The following CHCHD3 variants were observed in gnomAD, a reference collection of about 807,000 sequenced individuals.
The protein encoded by CHCHD3 is MICOS complex subunit MIC19.
In CHCHD3, 20 loss-of-function variants were observed where a neutral mutation model predicts 38.2. The ratio of observed to expected loss-of-function variants is 0.52; its 90% CI spans 0.37 to 0.76. The LOEUF (loss-of-function observed/expected upper bound fraction) is 0.76. Ranked by LOEUF, CHCHD3 falls within the 30% of genes least tolerant of loss-of-function variation. The pLI, the probability that CHCHD3 is intolerant of heterozygous loss-of-function variation, is 0.00. For missense variants in CHCHD3, 245 were observed against 279.2 expected (o/e 0.88, Z 0.87); for synonymous variants, 82 against 100.0 (o/e 0.82, Z 1.07).
At chr7:132,857,239 T>G (rs1808363620) in intron 5 of CHCHD3, among the ~76,000 whole-genome samples, 1 of 152,086 alleles carries the variant, frequency 6.6e-6, no homozygotes. Flanking sequence ...ATTAAATCCA[T>G]GAAACTGGAG....
intron 4 of CHCHD3, among the ~76,000 whole-genome samples, chr7:132,896,329 T>C (rs1463902656): frequency 1.3e-5 from 2 of 152,216 alleles, no homozygotes; most frequent in Non-Finnish European, 2.9e-5. Context: ...AAACTGGTTC[T>C]GGTTGTTTAA....
rs146541064 is a variant in CHCHD3, at chr7:133,044,860, G to A, written c.170-20233C>T. Among the ~76,000 whole-genome samples, 129 of 152,346 alleles carry A rather than the reference G, an allele frequency of 8.5e-4. No individual in the cohort carries two copies. In the Middle Eastern group the frequency reaches 0.021, roughly 24 times the overall value. ...AAATCTGCAGCTCTCCTCCCCAGGC[G>A]GGAGATGAGGCTGACAGCAGGGCTG... On this transcript the variant is annotated intron_variant, in intron 2 of 7. Coordinates refer to ENST00000262570, the MANE Select transcript of CHCHD3 (RefSeq NM_017812.4).
intron 4 of CHCHD3, among the ~76,000 whole-genome samples, chr7:132,939,010 C>T (rs975107353): frequency 6.6e-6 from 1 of 152,136 alleles, no homozygotes; most frequent in Non-Finnish European, 1.5e-5. Flanking sequence ...ACCGAATGTA[C>T]TGGCCCTTAA....
intron 4 of CHCHD3, among the ~76,000 whole-genome samples, chr7:132,905,259 A>T (rs60383075): frequency 0.074 from 11,281 of 152,198 alleles, 983 homozygotes; most frequent in East Asian, 0.21. Context: ...ATACTAATTT[A>T]AAAAAGCCAT....
chr7:133,005,626 T>G (rs1812679906), intron 3 of CHCHD3, among the ~76,000 whole-genome samples: 1 of 152,236 alleles, frequency 6.6e-6, no homozygotes, highest in African/African-American at 2.4e-5. Context: ...TGATTTTCCT[T>G]TTTTTGTATG....
chr7:132,806,970 G>T (rs886432544), intron 6 of CHCHD3, among the ~76,000 whole-genome samples: 1 of 152,202 alleles, frequency 6.6e-6, no homozygotes, highest in Non-Finnish European at 1.5e-5. Context: ...CCTAAGAAGG[G>T]TGTCCACAGT....
At chr7:132,846,819 T>C (rs1378768825) in intron 5 of CHCHD3, among the ~76,000 whole-genome samples, 2 of 152,198 alleles carry the variant, frequency 1.3e-5, no homozygotes, top group African/African-American at 4.8e-5. Flanking sequence ...CTACCTTTAT[T>C]ATATCTACTA....
chr7:133,077,593 C>G (rs1358766857), intron 1 of CHCHD3, among the ~76,000 whole-genome samples: 1 of 152,220 alleles, frequency 6.6e-6, no homozygotes, highest in Non-Finnish European at 1.5e-5. Flanking sequence ...TCACTCACAG[C>G]TTTGATGTTT....
chr7:132,895,616 T>G (rs530126168), intron 4 of CHCHD3, among the ~76,000 whole-genome samples: 1 of 152,250 alleles, frequency 6.6e-6, no homozygotes, highest in East Asian at 1.9e-4. Context: ...GTTTTTCCTG[T>G]GCTGTCCTCA....
At chr7:132,887,425 A>C (rs2117178390) in intron 4 of CHCHD3, among the ~76,000 whole-genome samples, 1 of 151,782 alleles carries the variant, frequency 6.6e-6, no homozygotes, top group South Asian at 2.1e-4. Flanking sequence ...CAACATAAAA[A>C]CCCAAAATAT....
At chr7:133,013,069 T>C (rs10230652) in intron 3 of CHCHD3, among the ~76,000 whole-genome samples, 107,723 of 150,876 alleles carry the variant, frequency 0.71, 38,552 homozygotes, top group African/African-American at 0.75. Flanking sequence ...GCCTGTAATC[T>C]CAGCTACTTG....
At chr7:132,798,565 C>G (rs943412590) in intron 6 of CHCHD3, among the ~76,000 whole-genome samples, 1 of 152,086 alleles carries the variant, frequency 6.6e-6, no homozygotes, top group Non-Finnish European at 1.5e-5. Context: ...TGACTAATAG[C>G]TCATAGGAAA....
intron 3 of CHCHD3, among the ~76,000 whole-genome samples, chr7:132,987,362 A>T (rs1260198126): frequency 6.6e-6 from 1 of 152,244 alleles, no homozygotes; most frequent in African/African-American, 2.4e-5. Context: ...CCTGGAGGAA[A>T]CTGTGTCCAG....
chr7:133,081,095 G>C (rs1300741589), intron 1 of CHCHD3, among the ~76,000 whole-genome samples: 1 of 151,978 alleles, frequency 6.6e-6, no homozygotes, highest in African/African-American at 2.4e-5. Flanking sequence ...TGCATGCAAA[G>C]GGCATTAAAA....
chr7:132,856,156 C>T (rs1453333184), intron 5 of CHCHD3, among the ~76,000 whole-genome samples: 1 of 152,198 alleles, frequency 6.6e-6, no homozygotes, highest in Non-Finnish European at 1.5e-5. Context: ...AGTCTCCTTC[C>T]AAGGCCCATC....
At chr7:132,982,955 G>A (rs1200696637) in intron 3 of CHCHD3, among the ~76,000 whole-genome samples, 1 of 152,046 alleles carries the variant, frequency 6.6e-6, no homozygotes, top group Non-Finnish European at 1.5e-5. Flanking sequence ...AGTATGTCAT[G>A]AATGCATAAA....
intron 4 of CHCHD3, among the ~76,000 whole-genome samples, chr7:132,903,221 C>T (rs1256238241): frequency 6.6e-6 from 1 of 152,196 alleles, no homozygotes; most frequent in Non-Finnish European, 1.5e-5. Context: ...TCCTCCCATA[C>T]ATGTTAAAGC....
chr7:133,079,285 G>A (rs1360723741), intron 1 of CHCHD3, among the ~76,000 whole-genome samples: 1 of 152,212 alleles, frequency 6.6e-6, no homozygotes, highest in African/African-American at 2.4e-5. Flanking sequence ...CACTGTGCTA[G>A]ATATACATTA....
At chr7:132,910,558 A>C (rs1051913802) in intron 4 of CHCHD3, among the ~76,000 whole-genome samples, 3 of 152,228 alleles carry the variant, frequency 2.0e-5, no homozygotes, top group Non-Finnish European at 2.9e-5. Context: ...TCAGTTTAAT[A>C]TTGAACACTT....
Sources: gnomAD v4.1 joint callset for allele counts (sites outside exome capture counted in the v4.1 genomes callset) on GRCh38, gnomAD v4.1.1 for gene constraint, MANE v1.5 for transcripts, NCBI Gene and HGNC (gene_info 2026-07-23, HGNC 2026-07-21) for gene names.